The following CDK14 variants were observed in gnomAD, a reference collection of about 807,000 sequenced individuals.
CDK14 encodes cyclin dependent kinase 14, also known as cyclin-dependent kinase 14.
A neutral mutation model predicts 60.7 loss-of-function variants in CDK14; 34 were observed. The observed-to-expected ratio is 0.56, with a 90% CI of 0.43 to 0.75. The LOEUF (loss-of-function observed/expected upper bound fraction) is 0.75, where lower values mean the gene tolerates loss of function less well. Ranked by LOEUF, CDK14 falls within the 30% of genes least tolerant of loss-of-function variation. The pLI, the probability that CDK14 is intolerant of heterozygous loss-of-function variation, is 0.00. For synonymous variants in CDK14, 197 were observed against 203.7 expected (o/e 0.97, Z 0.28); for missense variants, 482 against 564.1 (o/e 0.85, Z 1.47).
chr7:90,902,021 A>C (rs1397002275), intron 7 of CDK14, among the ~76,000 whole-genome samples: 1 of 152,092 alleles, frequency 6.6e-6, no homozygotes, highest in Non-Finnish European at 1.5e-5. Context: ...AGTTACCAAA[A>C]ATTATGTAGG....
At chr7:90,729,805 G>C (rs1802788010) in intron 3 of CDK14, among the ~76,000 whole-genome samples, 1 of 151,856 alleles carries the variant, frequency 6.6e-6, no homozygotes, top group South Asian at 2.1e-4. Flanking sequence ...TTCTCTTTCA[G>C]CAGGATGCTA....
intron 12 of CDK14, among the ~76,000 whole-genome samples, chr7:91,086,102 G>A (rs1798630841): frequency 6.6e-6 from 1 of 152,226 alleles, no homozygotes. Context: ...TAATACAAAT[G>A]TGGATGTCTG....
At chr7:90,667,313 A>G (rs1801001856) in intron 2 of CDK14, among the ~76,000 whole-genome samples, 1 of 152,148 alleles carries the variant, frequency 6.6e-6, no homozygotes, top group South Asian at 2.1e-4. Flanking sequence ...ATACCATGAA[A>G]TTTATTCTTT....
intron 2 of CDK14, among the ~76,000 whole-genome samples, chr7:90,690,314 C>T (rs1801528627): frequency 6.6e-6 from 1 of 152,090 alleles, no homozygotes; most frequent in African/African-American, 2.4e-5. Flanking sequence ...GCCAGGCTGC[C>T]TATATTTGAA....
intron 14 of CDK14, among the ~76,000 whole-genome samples, chr7:91,174,309 A>T (rs1465495410): frequency 6.6e-6 from 1 of 151,828 alleles, no homozygotes; most frequent in South Asian, 2.1e-4. Flanking sequence ...CCATCTGTAC[A>T]TCACCATCAT....
intron 14 of CDK14, among the ~76,000 whole-genome samples, chr7:91,163,101 G>A (rs986247000): frequency 1.3e-5 from 2 of 152,224 alleles, no homozygotes; most frequent in African/African-American, 4.8e-5. Flanking sequence ...CAATAGTGAT[G>A]ATGGGAGTTT....
At chr7:90,814,011 A>C (rs1478248607) in intron 5 of CDK14, among the ~76,000 whole-genome samples, 1 of 152,230 alleles carries the variant, frequency 6.6e-6, no homozygotes, top group Non-Finnish European at 1.5e-5. Flanking sequence ...TTAGTGATTT[A>C]ATATCTTTAT....
At chr7:91,153,622 A>T (rs533109990) in intron 14 of CDK14, among the ~76,000 whole-genome samples, 2 of 152,308 alleles carry the variant, frequency 1.3e-5, no homozygotes, top group East Asian at 3.9e-4. Flanking sequence ...TGGCAAACTA[A>T]TGCAGGAACG....
At chr7:90,828,520 A>AT (rs3840663) in intron 5 of CDK14, among the ~76,000 whole-genome samples, 109,217 of 151,774 alleles carry the variant, frequency 0.72, 39,535 homozygotes, top group East Asian at 0.88. Flanking sequence ...TTTGTTTAAT[A>AT]TTTTTTTTCC....
chr7:90,975,185 C>T (rs1795032853), intron 9 of CDK14, among the ~76,000 whole-genome samples: 1 of 152,094 alleles, frequency 6.6e-6, no homozygotes, highest in African/African-American at 2.4e-5. Context: ...AAAGTTCTTA[C>T]TCCTTCCCTG....
intron 14 of CDK14, among the ~76,000 whole-genome samples, chr7:91,132,417 A>G (rs1468127083): frequency 1.3e-5 from 2 of 152,154 alleles, no homozygotes; most frequent in African/African-American, 4.8e-5. Flanking sequence ...GCGCAGAGAA[A>G]GTCATTTGAA....
chr7:90,871,587 A>G (rs1791374365), intron 6 of CDK14, among the ~76,000 whole-genome samples: 1 of 152,204 alleles, frequency 6.6e-6, no homozygotes, highest in Non-Finnish European at 1.5e-5. Context: ...AATTATGTTC[A>G]CTTCTTTGAA....
intron 2 of CDK14, among the ~76,000 whole-genome samples, chr7:90,664,215 A>G (rs1241057031): frequency 6.6e-6 from 1 of 152,280 alleles, no homozygotes; most frequent in Non-Finnish European, 1.5e-5. Flanking sequence ...CCATCAGAGA[A>G]ATGCAAATCA....
At chr7:90,754,423 C>G (rs768403278) in intron 4 of CDK14, among the ~76,000 whole-genome samples, 1 of 152,158 alleles carries the variant, frequency 6.6e-6, no homozygotes, top group Non-Finnish European at 1.5e-5. Context: ...AGATGGCTGT[C>G]CATATGCAGG....
intron 9 of CDK14, among the ~76,000 whole-genome samples, chr7:90,961,645 T>A (rs1210916139): frequency 6.6e-6 from 1 of 152,216 alleles, no homozygotes; most frequent in Non-Finnish European, 1.5e-5. Context: ...AACACCTCTT[T>A]AAGAGTTCTT....
At chr7:90,849,128 C>A (rs780092412) in intron 5 of CDK14, among the ~76,000 whole-genome samples, 109 of 152,130 alleles carry the variant, frequency 7.2e-4, no homozygotes, top group Non-Finnish European at 1.3e-3. Context: ...GTCGTGGGGG[C>A]GGATCCCTCA....
chr7:90,686,482 C>T (rs1446145385), intron 2 of CDK14, among the ~76,000 whole-genome samples: 1 of 152,062 alleles, frequency 6.6e-6, no homozygotes. Flanking sequence ...ATGAATTATA[C>T]AATATAGTTT....
At chr7:91,179,376 G>T (rs1453906354) in intron 14 of CDK14, among the ~76,000 whole-genome samples, 2 of 143,570 alleles carry the variant, frequency 1.4e-5, no homozygotes, top group Non-Finnish European at 3.0e-5. Flanking sequence ...AGGGAGGAGG[G>T]ATAGCATCGG....
rs1185539845 is a variant in CDK14, at chr7:91,010,831, TCCTCCCTCCCTCCCTC to T, written c.1041+26611_1041+26626del. On this transcript the variant is annotated intron_variant, in intron 10 of 14. Coordinates refer to ENST00000380050, the MANE Select transcript of CDK14 (RefSeq NM_001287135.2). ...TTCCTTCCTTCCTTCCTTCCTTCCT[TCCTCCCTCCCTCCCTC>T]CCTCCCTCCCTCCCTCCCTCTCTCT... is the stretch of plus-strand genomic sequence containing the variant. 5.0e-4 allele frequency among the ~76,000 whole-genome samples: 32 copies of T among 64,048 alleles called. No homozygotes were observed. The East Asian group carries it at 6.6e-3, about 13-fold the overall frequency. 42.0% of individuals were successfully genotyped at this position (64,048 alleles called of 152,430 possible).
Sources: gnomAD v4.1 joint callset for allele counts (sites outside exome capture counted in the v4.1 genomes callset) on GRCh38, gnomAD v4.1.1 for gene constraint, MANE v1.5 for transcripts, NCBI Gene and HGNC (gene_info 2026-07-23, HGNC 2026-07-21) for gene names.